CDH18: variants seen among roughly 807,000 people sequenced by gnomAD.
The protein encoded by CDH18 is cadherin 18, also known as cadherin-18.
In CDH18, 31 loss-of-function variants were observed where a neutral mutation model predicts 67.9. That is an observed-to-expected ratio of 0.46 (90% CI 0.34 to 0.62). The LOEUF is 0.62. Among genes scored for constraint, CDH18 ranks in the 20% least tolerant of loss-of-function variants. The probability of loss-of-function intolerance (pLI) is 0.01; values close to 1 mark genes in which losing one functional copy is unlikely to be tolerated. For synonymous variants in CDH18, 362 were observed against 347.2 expected, an observed-to-expected ratio of 1.04 and a Z score of -0.48; for missense variants, 890 against 975.5, an observed-to-expected ratio of 0.91 and a Z score of 1.17.
chr5:20,154,677 C>A (rs1463776316), intron 2 of CDH18, among the ~76,000 whole-genome samples: 1 of 152,078 alleles, frequency 6.6e-6, no homozygotes, highest in African/African-American at 2.4e-5. Flanking sequence ...GTCACCCTGT[C>A]CAGCTTTTAT....
chr5:20,336,153 C>T (rs1316587202), intron 1 of CDH18, among the ~76,000 whole-genome samples: 1 of 152,094 alleles, frequency 6.6e-6, no homozygotes, highest in Non-Finnish European at 1.5e-5. Context: ...TCTTCCAAGG[C>T]CCACTAGACT....
At chr5:19,878,545 C>T (rs1305273984) in intron 2 of CDH18, among the ~76,000 whole-genome samples, 1 of 151,956 alleles carries the variant, frequency 6.6e-6, no homozygotes, top group Non-Finnish European at 1.5e-5. Flanking sequence ...AATTTACCTA[C>T]CTAAAAGAAA....
intron 5 of CDH18, among the ~76,000 whole-genome samples, chr5:19,633,106 A>G (rs1384548660): frequency 6.6e-6 from 1 of 152,104 alleles, no homozygotes. Flanking sequence ...AAATTCCTAT[A>G]CATACTGATT....
intron 1 of CDH18, among the ~76,000 whole-genome samples, chr5:20,352,624 C>CA (rs35947411): frequency 0.34 from 30,641 of 89,136 alleles, 4,186 homozygotes; most frequent in Non-Finnish European, 0.43. Flanking sequence ...ACTAAAAATA[C>CA]AAAAAAAAAA....
chr5:19,475,192 G>GCACACACACACA (rs34517461), intron 12 of CDH18, among the ~76,000 whole-genome samples: 17 of 146,318 alleles, frequency 1.2e-4, no homozygotes, highest in South Asian at 2.2e-4. Flanking sequence ...ATCAATAACA[G>GCACACACACACA]CACACACACA....
At chr5:19,661,197 T>A (rs1757124001) in intron 5 of CDH18, among the ~76,000 whole-genome samples, 1 of 152,074 alleles carries the variant, frequency 6.6e-6, no homozygotes, top group Non-Finnish European at 1.5e-5. Context: ...TTTAATTTTC[T>A]TTTACTTTTT....
intron 7 of CDH18, among the ~76,000 whole-genome samples, chr5:19,573,138 T>C (rs1466637811): frequency 2.0e-5 from 3 of 152,162 alleles, no homozygotes; most frequent in Admixed American, 6.6e-5. Context: ...ATATATACAA[T>C]ACACATGCAT....
chr5:20,093,247 ACACT>A (rs1236907459), intron 2 of CDH18, among the ~76,000 whole-genome samples: 1 of 151,914 alleles, frequency 6.6e-6, no homozygotes, highest in Admixed American at 6.6e-5. Context: ...ACACACACAC[ACACT>A]CACACGAATA....
At chr5:20,563,879 C>T (rs570048522) in intron 1 of CDH18, among the ~76,000 whole-genome samples, 4 of 152,152 alleles carry the variant, frequency 2.6e-5, no homozygotes, top group African/African-American at 7.2e-5. Flanking sequence ...GATCTTGAGG[C>T]TAACATTTGA....
At chr5:19,902,825 A>G (rs1325128363) in intron 2 of CDH18, among the ~76,000 whole-genome samples, 1 of 152,154 alleles carries the variant, frequency 6.6e-6, no homozygotes, top group Non-Finnish European at 1.5e-5. Flanking sequence ...CACTCTCTAA[A>G]GTGGGCCTTA....
At chr5:19,519,309 C>T (rs1454965784) in intron 10 of CDH18, among the ~76,000 whole-genome samples, 1 of 152,106 alleles carries the variant, frequency 6.6e-6, no homozygotes, top group Non-Finnish European at 1.5e-5. Flanking sequence ...GTAATGATTA[C>T]TTTAGCAAGC....
At position 20,168,531 on chromosome 5, in the gene CDH18, T is replaced by G. The variant is rs370777909; in HGVS notation, c.-518+86913A>C. ...TTGGTGAGAGGCAGATATCACTGGA[T>G]GAATTCAAGATGCATGATAAAACAC... is the stretch of plus-strand genomic sequence containing the variant. On this transcript the variant is annotated intron_variant, in intron 2 of 14. Transcript: ENST00000507958. Among the ~76,000 whole-genome samples the G allele has an allele frequency of 5.2e-4, 79 of 152,248 alleles. No homozygotes were observed. In the South Asian group the frequency reaches 0.016, roughly 31 times the overall value.
At chr5:19,491,886 T>G (rs1741528774) in intron 11 of CDH18, among the ~76,000 whole-genome samples, 1 of 152,226 alleles carries the variant, frequency 6.6e-6, no homozygotes. Flanking sequence ...CAAGAAATCT[T>G]GTTTCATAGG....
At chr5:20,394,582 T>C (rs923306538) in intron 1 of CDH18, among the ~76,000 whole-genome samples, 4 of 152,070 alleles carry the variant, frequency 2.6e-5, no homozygotes, top group Non-Finnish European at 5.9e-5. Flanking sequence ...AGTAAATACA[T>C]GGGACCTAAT....
Position 20,439,514 on chromosome 5 carries a change from T to A in CDH18, c.-580+135948A>T, listed in dbSNP as rs184920224. On this transcript the variant is annotated intron_variant, in intron 1 of 14. Transcript: ENST00000507958. ...TGTAATGTGCAATACACTGTTATTG[T>A]CAGCGTATTTCTTATGTTTTCTAGT... Among the ~76,000 whole-genome samples, 430 of 151,728 alleles carry A rather than the reference T, an allele frequency of 2.8e-3. 8 individuals carry two copies. The highest frequency in any genetic ancestry group is 1.0e-2 in the African/African-American group (412 of 41,264).
In CDH18 at chr5:19,699,444, G is replaced by T. The variant is rs115093241; in HGVS notation, c.643+21903C>A. 8.9e-3 allele frequency among the ~76,000 whole-genome samples: 1,351 copies of T among 152,194 alleles called. 15 individuals are homozygous for T. Among genetic ancestry groups the T allele is most frequent in the Non-Finnish European group, 0.011 (726 of 67,978 alleles). On this transcript the variant is annotated intron_variant, in intron 5 of 12. Transcript: ENST00000382275. ...TATACCTGTTATGGACTGAATGTTT[G>T]TTTCCCCAAAAATTTTATAAGTTAA...
chr5:19,734,618 T>C (rs892974956), intron 4 of CDH18, among the ~76,000 whole-genome samples: 1 of 152,226 alleles, frequency 6.6e-6, no homozygotes, highest in African/African-American at 2.4e-5. Flanking sequence ...GTTGTCCAGG[T>C]GTCTTGTATT....
intron 2 of CDH18, among the ~76,000 whole-genome samples, chr5:20,069,452 G>A (rs990660682): frequency 1.3e-5 from 2 of 149,956 alleles, no homozygotes; most frequent in Non-Finnish European, 3.0e-5. Context: ...TCACTCTGTC[G>A]CCCAGGCTGG....
At chr5:19,952,677 G>C (rs561237306) in intron 2 of CDH18, among the ~76,000 whole-genome samples, 1 of 152,136 alleles carries the variant, frequency 6.6e-6, no homozygotes, top group African/African-American at 2.4e-5. Context: ...TGCACTTTAA[G>C]CTGTCACCAT....
Sources: allele counts gnomAD v4.1 joint callset (sites outside exome capture counted in the v4.1 genomes callset), GRCh38; gene constraint gnomAD v4.1.1; transcripts MANE v1.5; gene names NCBI Gene and HGNC (gene_info 2026-07-23, HGNC 2026-07-21).